PTPRU: variants seen among roughly 807,000 people sequenced by gnomAD.
PTPRU encodes the protein receptor-type tyrosine-protein phosphatase U.
PTPRU carries 69 observed loss-of-function variants against 166.3 expected under a neutral mutation model. The observed-to-expected ratio is 0.41, with a 90% confidence interval of 0.34 to 0.51. The LOEUF is 0.51. Ranked by LOEUF, PTPRU falls within the 20% of genes least tolerant of loss-of-function variation. PTPRU has a pLI of 0.09. For synonymous variants in PTPRU, 793 were observed against 814.0 expected, an observed-to-expected ratio of 0.97 and a Z score of 0.44; for missense variants, 1,657 against 2,013.7, an observed-to-expected ratio of 0.82 and a Z score of 3.39.
At chr1:29,244,210 TG>T (rs985098132) in intron 1 of PTPRU, among the ~76,000 whole-genome samples, 6 of 151,114 alleles carry the variant, frequency 4.0e-5, no homozygotes, top group Non-Finnish European at 7.4e-5. Context: ...CCCAGACTAG[TG>T]GAAAAAGGAG....
Position 29,312,641 on chromosome 1 carries a change from G to A in PTPRU, c.3162G>A (p.Leu1054=), listed in dbSNP as rs978793043. 2 of 1,611,924 alleles carry A rather than the reference G, an allele frequency of 1.2e-6. No homozygotes were observed. Among genetic ancestry groups the A allele is most frequent in the Non-Finnish European group, 1.7e-6 (2 of 1,178,596 alleles). The change falls in exon 22 of 30, where the codon CTG becomes CTA. Residue 1054 remains leucine, a synonymous_variant. Coordinates refer to ENST00000373779, the MANE Select transcript of PTPRU (RefSeq NM_133178.4). ...HGVPYHATGL[L]AFIRRVKAST... ...TCCCCTACCATGCCACGGGGCTGCT[G>A]GCTTTCATCCGGCGCGTGAAGGCCT...
intron 1 of PTPRU, among the ~76,000 whole-genome samples, chr1:29,239,766 A>G (rs1235402231): frequency 3.3e-5 from 5 of 151,524 alleles, no homozygotes; most frequent in Admixed American, 2.6e-4. Flanking sequence ...AGACTCTTTC[A>G]TCTGTCTCCT....
At chr1:29,240,844 A>G (rs1684018911) in intron 1 of PTPRU, among the ~76,000 whole-genome samples, 2 of 119,826 alleles carry the variant, frequency 1.7e-5, no homozygotes, top group African/African-American at 3.2e-5. Context: ...AGCTTCCTGG[A>G]AGACCCTCCC....
chr1:29,276,057 GA>G (rs1225965650), intron 8 of PTPRU, among the ~76,000 whole-genome samples: 2 of 152,116 alleles, frequency 1.3e-5, no homozygotes, highest in Non-Finnish European at 2.9e-5. Context: ...GGGATATTCA[GA>G]TTTTTTTATT....
intron 26 of PTPRU, chr1:29,323,073 A>C: frequency 6.4e-6 from 2 of 312,866 alleles, no homozygotes; most frequent in Non-Finnish European, 1.2e-5. Context: ...GAGCGTGTGA[A>C]CCGGTTAAGG....
chr1:29,321,196 A>AT (rs71025210), intron 26 of PTPRU, among the ~76,000 whole-genome samples: 5,929 of 100,308 alleles, frequency 0.059, 279 homozygotes, highest in Non-Finnish European at 0.075. Flanking sequence ...CAGCTGTCTG[A>AT]TTTTTTTTTT....
At position 29,279,253 on chromosome 1, in the gene PTPRU, A is replaced by T. The variant is rs1685951085; in HGVS notation, c.1563+132A>T. ...TGTCATAGTTTCTTCAACTATGGCC[A>T]GGTCTGTGCCCTGTGTATTCTAGAG... On this transcript the variant is annotated intron_variant, in intron 9 of 29. Coordinates refer to ENST00000373779, the MANE Select transcript of PTPRU (RefSeq NM_133178.4). The surrounding 1 kb of genome is among the most constrained non-coding windows in gnomAD (Gnocchi z 5.2). 7 of 1,012,680 alleles carry T rather than the reference A, an allele frequency of 6.9e-6. No individual in the cohort carries two copies. The highest frequency in any genetic ancestry group is 2.2e-5 in the Admixed American group (1 of 45,328). 62.7% of individuals were successfully genotyped at this position (1,012,680 alleles called of 1,614,324 possible). A position where few individuals can be genotyped will look rare whatever the true frequency, so the allele number is the denominator to read the frequency against.
intron 18 of PTPRU, 100 bp from the exon 19 acceptor site, chr1:29,310,644 G>C (rs1212965541): frequency 1.6e-6 from 2 of 1,262,728 alleles, no homozygotes; most frequent in Non-Finnish European, 2.3e-6. Flanking sequence ...GTTCCCTGGT[G>C]GGGTAGGGGT....
chr1:29,265,968 G>T (rs2151947373), intron 7 of PTPRU, among the ~76,000 whole-genome samples: 1 of 145,094 alleles, frequency 6.9e-6, no homozygotes, highest in Middle Eastern at 3.8e-3. Context: ...TCAAGTCTAA[G>T]AACTCCTTGC....
chr1:29,255,912 T>C (rs1418166437), intron 2 of PTPRU, among the ~76,000 whole-genome samples: 12 of 152,232 alleles, frequency 7.9e-5, no homozygotes, highest in Admixed American at 5.2e-4. Context: ...TATTTCAAGA[T>C]GGGGCACCTT....
chr1:29,323,349 C>T (rs1253053284), intron 26 of PTPRU, 22 bp from the exon 27 acceptor site: 1 of 1,601,272 alleles, frequency 6.2e-7, no homozygotes, highest in Non-Finnish European at 8.5e-7. Context: ...CTCAGCTCTC[C>T]CCTCTCCGTG....
In PTPRU at chr1:29,257,170, G is replaced by C. The variant is rs1684807326; in HGVS notation, c.206-1335G>C. ...AGGAGGAGGAAAGAACAAAGTGTCA[G>C]ATTGGAAGAGGGAGAAAGATGCACA... On this transcript the variant is annotated intron_variant, in intron 2 of 29. Transcript: ENST00000373779. The surrounding 1 kb of genome is among the most constrained non-coding windows in gnomAD (Gnocchi z 4.6). 6.6e-6 allele frequency among the ~76,000 whole-genome samples: 1 copy of C among 152,100 alleles called. No homozygotes were observed. The highest frequency in any genetic ancestry group is 1.5e-5 in the Non-Finnish European group (1 of 67,996).
intron 18 of PTPRU, among the ~76,000 whole-genome samples, chr1:29,308,795 G>A (rs931369698): frequency 1.1e-4 from 17 of 151,978 alleles, no homozygotes; most frequent in African/African-American, 3.9e-4. Context: ...AGGCTGAGGC[G>A]GGAGGATTGC....
rs1683839797 is a variant in PTPRU, at chr1:29,237,757, G to GCCGGGGCTGCGGGGCGC, written c.73+1046_73+1062dup. On this transcript the variant is annotated intron_variant, in intron 1 of 29. Coordinates refer to ENST00000373779, the MANE Select transcript of PTPRU (RefSeq NM_133178.4). The surrounding 1 kb of genome is among the most constrained non-coding windows in gnomAD (Gnocchi z 6.4). ...TGGCGGGCGGCTGATCCGAGGCGGC[G>GCCGGGGCTGCGGGGCGC]CCGGGGCTGCGGGGCGCCCGGGCCA... Among the ~76,000 whole-genome samples the GCCGGGGCTGCGGGGCGC allele has an allele frequency of 6.7e-6, 1 of 148,552 alleles. No individual in the cohort carries two copies.
At chr1:29,319,381 C>G (rs1433446053) in intron 25 of PTPRU, among the ~76,000 whole-genome samples, 1 of 152,178 alleles carries the variant, frequency 6.6e-6, no homozygotes, top group Non-Finnish European at 1.5e-5. Context: ...TGGAAAAGTT[C>G]TGAGACAGCC....
intron 15 of PTPRU, among the ~76,000 whole-genome samples, chr1:29,295,515 G>A (rs1686841629): frequency 6.6e-6 from 1 of 152,140 alleles, no homozygotes; most frequent in South Asian, 2.1e-4. Flanking sequence ...GGTCTTGAAT[G>A]TCTTTCAATA....
intron 18 of PTPRU, among the ~76,000 whole-genome samples, chr1:29,307,738 T>A (rs1408742760): frequency 6.6e-6 from 1 of 151,238 alleles, no homozygotes; most frequent in Non-Finnish European, 1.5e-5. Context: ...AGTCTGTTTT[T>A]AAATATTATG....
Position 29,264,300 on chromosome 1 carries a change from C to T in PTPRU, c.1144+3397C>T, listed in dbSNP as rs894652206. 4.6e-5 allele frequency among the ~76,000 whole-genome samples: 7 copies of T among 151,786 alleles called. No individual in the cohort carries two copies. The South Asian group carries it at 1.3e-3, about 27-fold the overall frequency. ...TTCTTGATAGTTTTTTTTTGAAGCA[C>T]GAAAGTTTTCAATTTATCTATTTTT... is the stretch of plus-strand genomic sequence containing the variant. On this transcript the variant is annotated intron_variant, in intron 7 of 29. Coordinates refer to ENST00000373779, the MANE Select transcript of PTPRU (RefSeq NM_133178.4).
intron 7 of PTPRU, among the ~76,000 whole-genome samples, chr1:29,273,122 G>A (rs969250248): frequency 1.3e-5 from 2 of 152,112 alleles, no homozygotes; most frequent in African/African-American, 4.8e-5. Flanking sequence ...AGTTGATGCA[G>A]TCTTGGTGTC....
Sources: allele counts gnomAD v4.1 joint callset (sites outside exome capture counted in the v4.1 genomes callset), GRCh38; gene constraint gnomAD v4.1.1; non-coding constraint Gnocchi (gnomAD v3.1); transcripts MANE v1.5; gene names NCBI Gene and HGNC (gene_info 2026-07-23, HGNC 2026-07-21).